The following RANBP2 variants were observed in gnomAD, a reference collection of about 807,000 sequenced individuals.
The protein encoded by RANBP2 is RAN binding protein 2.
A neutral mutation model predicts 303.6 loss-of-function variants in RANBP2; 57 were observed. The ratio of observed to expected loss-of-function variants is 0.19; its 90% CI spans 0.15 to 0.23. RANBP2 has a LOEUF of 0.23. Among genes scored for constraint, RANBP2 ranks in the 10% least tolerant of loss-of-function variants. RANBP2 has a pLI of 1.00. For missense variants in RANBP2, 3,138 were observed against 3,780.8 expected (o/e 0.83, Z 4.46); for synonymous variants, 1,167 against 1,301.5 (o/e 0.90, Z 2.23).
chr2:109,212,818 C>G, the RANBP2 span, among the ~76,000 whole-genome samples: 1 of 152,178 alleles, frequency 6.6e-6, no homozygotes, highest in Non-Finnish European at 1.5e-5. Context: ...GTTAGACCTC[C>G]TGGTGAGCTG....
At chr2:109,694,708 T>A in the RANBP2 span, among the ~76,000 whole-genome samples, 1 of 152,090 alleles carries the variant, frequency 6.6e-6, no homozygotes, top group Admixed American at 6.6e-5. Flanking sequence ...TTCAGCATCA[T>A]GTTGGCATTC....
the RANBP2 span, among the ~76,000 whole-genome samples, chr2:109,510,419 G>A: frequency 6.6e-6 from 1 of 152,190 alleles, no homozygotes; most frequent in Non-Finnish European, 1.5e-5. Flanking sequence ...GCATGTGGGG[G>A]AGCAGACAGC....
intron 6 of RANBP2, among the ~76,000 whole-genome samples, chr2:108,740,047 A>G (rs1484610546): frequency 9.2e-5 from 14 of 152,226 alleles, no homozygotes; most frequent in Admixed American, 2.0e-4. Flanking sequence ...AAAAAGAGCA[A>G]TTACTGTATT....
the RANBP2 span, chr2:109,545,856 C>A: frequency 4.2e-6 from 6 of 1,442,658 alleles, no homozygotes; most frequent in South Asian, 9.3e-5. Context: ...TAACATGTGC[C>A]AGGTGCTGTT....
the RANBP2 span, among the ~76,000 whole-genome samples, chr2:109,466,149 G>A: frequency 1.5e-5 from 2 of 130,512 alleles, no homozygotes; most frequent in South Asian, 2.4e-4. Flanking sequence ...GTGCTATCTC[G>A]GCTCACTGCT....
chr2:109,365,351 G>A, the RANBP2 span, among the ~76,000 whole-genome samples: 4 of 152,226 alleles, frequency 2.6e-5, no homozygotes, highest in African/African-American at 7.2e-5. Context: ...ATCAGTTACA[G>A]TTCAGGCCCT....
At chr2:109,414,950 C>G in the RANBP2 span, among the ~76,000 whole-genome samples, 1 of 152,218 alleles carries the variant, frequency 6.6e-6, no homozygotes, top group African/African-American at 2.4e-5. Context: ...GGAAAAGACC[C>G]TGAGATGGAG....
rs375754677 is a variant in RANBP2 at position 108,772,593 on chromosome 2, G to T, written c.8113+12G>T. On this transcript the variant is annotated intron_variant, in intron 22 of 28. Transcript: ENST00000283195. ...AGAAAATACAGCAGGTATGTTAAGT[G>T]TAAAGGACATTTATAATGCTTTTAA... The T allele has an allele frequency of 6.2e-7, 1 of 1,602,056 alleles. No individual in the cohort carries two copies. Among genetic ancestry groups the T allele is most frequent in the African/African-American group, 1.3e-5 (1 of 74,676 alleles).
At chr2:108,795,150 ATTTTTT>A in the RANBP2 span, among the ~76,000 whole-genome samples, 15 of 85,040 alleles carry the variant, frequency 1.8e-4, 1 homozygote, top group East Asian at 4.0e-3. Context: ...TCTAAAGTGT[ATTTTTT>A]TTTTTTTTTT....
chr2:109,024,570 C>A, the RANBP2 span, among the ~76,000 whole-genome samples: 1 of 152,180 alleles, frequency 6.6e-6, no homozygotes, highest in African/African-American at 2.4e-5. Context: ...CAAGCTTCAC[C>A]TCTGAAGACT....
At chr2:109,319,994 G>A in the RANBP2 span, among the ~76,000 whole-genome samples, 1 of 152,178 alleles carries the variant, frequency 6.6e-6, no homozygotes, top group African/African-American at 2.4e-5. Context: ...AGAGTGGGGG[G>A]TGCTATTCTG....
the RANBP2 span, among the ~76,000 whole-genome samples, chr2:109,345,762 C>G: frequency 6.6e-6 from 1 of 152,174 alleles, no homozygotes; most frequent in Non-Finnish European, 1.5e-5. Flanking sequence ...CTTACTCTGT[C>G]TTTTTTGTAA....
At chr2:109,199,583 GGA>G in the RANBP2 span, among the ~76,000 whole-genome samples, 8 of 238 alleles carry the variant, frequency 0.034, no homozygotes, top group Admixed American at 0.056. Flanking sequence ...GGAATGGAAT[GGA>G]ATGGAATGGA....
the RANBP2 span, chr2:109,614,731 AGAG>A: frequency 6.7e-7 from 1 of 1,489,764 alleles, no homozygotes; most frequent in Non-Finnish European, 8.9e-7. Flanking sequence ...CACCTCAAGA[AGAG>A]GTTCTGTGAA....
chr2:109,726,416 A>C, the RANBP2 span, among the ~76,000 whole-genome samples: 2 of 150,534 alleles, frequency 1.3e-5, no homozygotes, highest in African/African-American at 2.5e-5. Context: ...CTCAATAAAA[A>C]CCCCCCAAAA....
chr2:109,617,235 A>C, the RANBP2 span: 1 of 166,856 alleles, frequency 6.0e-6, no homozygotes, highest in South Asian at 2.1e-4. Flanking sequence ...CCTATCCTGT[A>C]GTTACTGAAA....
At chr2:108,800,183 G>A in the RANBP2 span, among the ~76,000 whole-genome samples, 8 of 152,104 alleles carry the variant, frequency 5.3e-5, no homozygotes, top group Non-Finnish European at 1.2e-4. Flanking sequence ...TTAATGCATA[G>A]ATTTTGGGTT....
chr2:109,017,629 T>C, the RANBP2 span, among the ~76,000 whole-genome samples: 1 of 152,220 alleles, frequency 6.6e-6, no homozygotes, highest in East Asian at 1.9e-4. Flanking sequence ...GCTCTTTTTT[T>C]CCAATCTCTT....
chr2:108,932,654 G>A, the RANBP2 span, among the ~76,000 whole-genome samples: 1 of 152,174 alleles, frequency 6.6e-6, no homozygotes, highest in Non-Finnish European at 1.5e-5. Flanking sequence ...CCTGTCAGTG[G>A]GGACTGACAT....
Sources: allele counts gnomAD v4.1 joint callset (sites outside exome capture counted in the v4.1 genomes callset), GRCh38; gene constraint gnomAD v4.1.1; transcripts MANE v1.5; gene names NCBI Gene and HGNC (gene_info 2026-07-23, HGNC 2026-07-21).